FAM186A: variants seen among roughly 807,000 people sequenced by gnomAD.
The protein encoded by FAM186A is family with sequence similarity 186 member A.
In FAM186A, 163 loss-of-function variants were observed where a neutral mutation model predicts 216.8. That is an observed-to-expected ratio of 0.75 (90% CI 0.66 to 0.86). The LOEUF is 0.86. FAM186A is among the 40% of genes least tolerant of loss of function. The pLI, the probability that FAM186A is intolerant of heterozygous loss-of-function variation, is 0.00. For synonymous variants in FAM186A, 805 were observed against 1,025.3 expected (o/e 0.79, Z 4.10); for missense variants, 2,184 against 2,746.2 (o/e 0.80, Z 4.58).
intron 1 of FAM186A, among the ~76,000 whole-genome samples, chr12:50,374,307 TAAAG>T (rs1215292308): frequency 9.7e-5 from 14 of 144,338 alleles, no homozygotes; most frequent in Non-Finnish European, 1.4e-4. Context: ...ATAATAATAA[TAAAG>T]AAAGAAAGAA....
intron 5 of FAM186A, among the ~76,000 whole-genome samples, chr12:50,333,659 T>C (rs1160705837): frequency 2.0e-5 from 3 of 152,248 alleles, no homozygotes; most frequent in South Asian, 2.1e-4. Flanking sequence ...GAGAGAAGCA[T>C]GCAACAGAAT....
At chr12:50,359,581 C>CA (rs368296233) in intron 3 of FAM186A, among the ~76,000 whole-genome samples, 1 of 151,802 alleles carries the variant, frequency 6.6e-6, no homozygotes, top group African/African-American at 2.4e-5. Flanking sequence ...TCTACCCCCC[C>CA]AAAAAAAATG....
rs749301142 is a variant in FAM186A at position 50,354,824 on chromosome 12, C to T, written c.2008G>A (p.Glu670Lys). Residue 670 changes from glutamate (E) to lysine (K), a missense_variant, in exon 4 of 8, where the codon GAA (glutamate) becomes AAA (lysine). Glu to Lys is a moderately conservative substitution (Grantham distance 56, BLOSUM62 1). This residue lies in a region of FAM186A where 1,132 missense variants were observed against 1,263.4 expected (regional missense o/e 0.90). Transcript: ENST00000327337. ...PDGKSEQSNL[E>K]EFQEAIMAFL... ...GCCATTATGGCTTCCTGAAATTCTT[C>T]GAGGTTACTCTGTTCACTTTTGCCA... is the stretch of plus-strand genomic sequence containing the variant. 2.7e-5 allele frequency: 42 copies of T among 1,535,858 alleles called. No individual in the cohort carries two copies. Among genetic ancestry groups the T allele is most frequent in the South Asian group, 2.0e-4 (16 of 79,928 alleles).
In FAM186A at chr12:50,350,725, G is replaced by C; in HGVS notation, c.6107C>G (p.Ala2036Gly). The C allele has an allele frequency of 1.3e-6, 2 of 1,551,644 alleles. No homozygotes were observed. The highest frequency in any genetic ancestry group is 2.4e-5 in the South Asian group (2 of 84,054). Residue 2036 changes from alanine to glycine, a missense_variant, in exon 4 of 8, where the codon GCC (alanine) becomes GGC (glycine). Coordinates refer to ENST00000327337, the MANE Select transcript of FAM186A (RefSeq NM_001145475.3). The stretch of plus-strand genomic sequence containing the variant: ...TGTTGGCTTCATGAGAGTGAGAAGG[G>C]CCCTTTCATCAGTGTAAGGGGTTTG... ...VYQTPYTDER[A>G]LLTLMKPTTS... is the part of the protein sequence containing the mutation.
intron 1 of FAM186A, among the ~76,000 whole-genome samples, chr12:50,383,298 G>T (rs1024536557): frequency 2.0e-4 from 19 of 95,370 alleles, no homozygotes; most frequent in Non-Finnish European, 3.1e-4. Flanking sequence ...GAGAGAGAAA[G>T]AAAAGAAACG....
In FAM186A at chr12:50,355,411, G is replaced by T; in HGVS notation, c.1421C>A (p.Pro474Gln). 6.4e-7 allele frequency: 1 copy of T among 1,551,270 alleles called. No individual in the cohort carries two copies. Among genetic ancestry groups the T allele is most frequent in the Non-Finnish European group, 8.7e-7 (1 of 1,146,980 alleles). ...KATYVYETSG[P>Q]NLSDNKSGQK... Reference sequence around the variant, plus strand: ...TCCACTTTTATTATCACTCAGATTTGGTCCAGAGGTCTCATATACATATGT... The same window carrying T: ...TCCACTTTTATTATCACTCAGATTTTGTCCAGAGGTCTCATATACATATGT... The change falls in exon 4 of 8, where the codon CCA becomes CAA. Residue 474 changes from proline to glutamine, a missense_variant. Pro to Gln is a moderately conservative substitution (Grantham distance 76). Coordinates refer to ENST00000327337, the MANE Select transcript of FAM186A (RefSeq NM_001145475.3).
chr12:50,328,221 A>G (rs993196307), intron 7 of FAM186A, among the ~76,000 whole-genome samples: 1 of 152,212 alleles, frequency 6.6e-6, no homozygotes, highest in Non-Finnish European at 1.5e-5. Context: ...AAATTATGAT[A>G]TATCTATACA....
chr12:50,335,914 A>G (rs1291636055), intron 4 of FAM186A, among the ~76,000 whole-genome samples: 2 of 152,086 alleles, frequency 1.3e-5, no homozygotes, highest in African/African-American at 4.8e-5. Flanking sequence ...TCACGAGGTC[A>G]GGGGCTCCAG....
intron 1 of FAM186A, among the ~76,000 whole-genome samples, chr12:50,372,923 A>G (rs1277980518): frequency 1.4e-5 from 2 of 146,672 alleles, no homozygotes; most frequent in African/African-American, 5.0e-5. Flanking sequence ...AAAAAGAAAA[A>G]AGAAAGAAAG....
intron 1 of FAM186A, among the ~76,000 whole-genome samples, chr12:50,365,201 A>T (rs2136098723): frequency 6.6e-6 from 1 of 152,306 alleles, no homozygotes; most frequent in South Asian, 2.1e-4. Context: ...ACCAACAGCA[A>T]TGCACTAGTG....
At chr12:50,395,320 C>T (rs1007860228) in intron 1 of FAM186A, among the ~76,000 whole-genome samples, 3 of 152,154 alleles carry the variant, frequency 2.0e-5, no homozygotes, top group African/African-American at 7.2e-5. Context: ...AACTCCTGGG[C>T]TCAAGAGATC....
chr12:50,378,311 A>C (rs1018556770), intron 1 of FAM186A, among the ~76,000 whole-genome samples: 11 of 151,554 alleles, frequency 7.3e-5, no homozygotes, highest in Non-Finnish European at 1.5e-5. Context: ...TGGGTGGATC[A>C]CGAGGTCAGA....
chr12:50,387,578 C>G (rs1035509894), intron 1 of FAM186A, among the ~76,000 whole-genome samples: 2 of 152,142 alleles, frequency 1.3e-5, no homozygotes, highest in African/African-American at 4.8e-5. Context: ...GAGCTGGTGT[C>G]TGATTTATGT....
chr12:50,386,153 G>GCTTA (rs1943301140), intron 1 of FAM186A, among the ~76,000 whole-genome samples: 1 of 152,188 alleles, frequency 6.6e-6, no homozygotes, highest in Non-Finnish European at 1.5e-5. Context: ...AGGTGGCCAG[G>GCTTA]CATAGTAGCT....
intron 1 of FAM186A, among the ~76,000 whole-genome samples, chr12:50,383,278 A>AAAG (rs1555218962): frequency 2.0e-5 from 1 of 49,172 alleles, no homozygotes; most frequent in African/African-American, 5.3e-5. Context: ...AAAAAAAAAA[A>AAAG]AGAGAGAGAG....
At chr12:50,371,310 G>C (rs1249692324) in intron 1 of FAM186A, among the ~76,000 whole-genome samples, 2 of 151,734 alleles carry the variant, frequency 1.3e-5, no homozygotes, top group Non-Finnish European at 2.9e-5. Context: ...GTAGAGACGG[G>C]GTTTCACCAT....
At position 50,353,597 on chromosome 12, in the gene FAM186A, G is replaced by A. The variant is rs1160279312; in HGVS notation, c.3235C>T (p.Gln1079Ter). The change falls in exon 4 of 8, where the codon CAG becomes TAG. Residue 1079 changes from glutamine to a stop codon, truncating the protein, a stop_gained. Coordinates refer to ENST00000327337, the MANE Select transcript of FAM186A (RefSeq NM_001145475.3). LOFTEE classifies it high-confidence loss of function. ...AGTGTGATCCCCACTTCCTGGGCCT[G>A]CTGAGGTGTGAGATGAATGCATTTA... ...LTKCIHLTPQQAQEVGITLTP... is the reference protein window; with the variant it reads ...LTKCIHLTPQ 6.5e-7 allele frequency: 1 copy of A among 1,528,212 alleles called. No individual in the cohort carries two copies. Among genetic ancestry groups the A allele is most frequent in the Non-Finnish European group, 8.8e-7 (1 of 1,137,202 alleles). 94.7% of individuals were successfully genotyped at this position (1,528,212 alleles called of 1,614,324 possible).
chr12:50,348,887 A>C (rs771837663), intron 4 of FAM186A, among the ~76,000 whole-genome samples: 4 of 152,072 alleles, frequency 2.6e-5, no homozygotes, highest in Admixed American at 6.6e-5. Flanking sequence ...TTCATTAAAA[A>C]ATTTTTTTGT....
At chr12:50,344,979 C>T (rs781481256) in intron 4 of FAM186A, among the ~76,000 whole-genome samples, 1 of 151,898 alleles carries the variant, frequency 6.6e-6, no homozygotes, top group African/African-American at 2.4e-5. Flanking sequence ...AGGCCGAGCG[C>T]GGTGGCTCAC....
Sources: gnomAD v4.1 joint callset for allele counts (sites outside exome capture counted in the v4.1 genomes callset) on GRCh38, gnomAD v4.1.1 for gene constraint, gnomAD v4.1.1 regional missense constraint, MANE v1.5 for transcripts, NCBI Gene and HGNC (gene_info 2026-07-23, HGNC 2026-07-21) for gene names.